The following ENKUR variants were observed in gnomAD, a reference collection of about 807,000 sequenced individuals.
The protein encoded by ENKUR is enkurin.
In ENKUR, 19 loss-of-function variants were observed where a neutral mutation model predicts 27.6. The ratio of observed to expected loss-of-function variants is 0.69; its 90% CI spans 0.48 to 1.01. ENKUR has a LOEUF of 1.01. Among genes scored for constraint, ENKUR ranks in the 50% least tolerant of loss-of-function variants. The pLI is 0.00. For synonymous variants in ENKUR, 117 were observed against 96.9 expected (o/e 1.21, Z -1.22); for missense variants, 312 against 310.5 (o/e 1.00, Z -0.04).
chr10:25,024,860 C>T, intron 2 of ENKUR: 1 of 1,614,062 alleles, frequency 6.2e-7, no homozygotes, highest in Non-Finnish European at 8.5e-7. Context: ...TTTATAAAAA[C>T]AGGACATTAT....
chr10:25,023,122 A>G (rs1272216067), intron 2 of ENKUR: 1 of 1,162,202 alleles, frequency 8.6e-7, no homozygotes, highest in Non-Finnish European at 1.2e-6. Flanking sequence ...ATCTACTGTA[A>G]TTAGTAACCA....
chr10:25,057,593 C>G (rs768790640), intron 2 of ENKUR, among the ~76,000 whole-genome samples: 5 of 152,126 alleles, frequency 3.3e-5, no homozygotes, highest in Non-Finnish European at 7.4e-5. Flanking sequence ...AAGTCAGTAT[C>G]AGGCTGCTGC....
At chr10:25,000,255 T>C (rs75978901) in intron 1 of ENKUR, among the ~76,000 whole-genome samples, 2,120 of 152,278 alleles carry the variant, frequency 0.014, 45 homozygotes, top group African/African-American at 0.048. Context: ...TGTTCTATTT[T>C]AGTAAATGTT....
intron 2 of ENKUR, among the ~76,000 whole-genome samples, chr10:25,050,328 TAAG>T (rs1261264020): frequency 1.3e-5 from 2 of 152,180 alleles, no homozygotes; most frequent in African/African-American, 4.8e-5. Context: ...AAGACATACG[TAAG>T]ACTGGGTAAT....
chr10:25,012,045 C>T (rs1207059291), intron 1 of ENKUR, among the ~76,000 whole-genome samples: 1 of 152,194 alleles, frequency 6.6e-6, no homozygotes, highest in Admixed American at 6.5e-5. Context: ...ACAGCCATGG[C>T]TAAAAGGGGA....
At chr10:25,042,784 G>A (rs538765703) in intron 2 of ENKUR, among the ~76,000 whole-genome samples, 5 of 151,894 alleles carry the variant, frequency 3.3e-5, no homozygotes, top group African/African-American at 7.2e-5. Flanking sequence ...AAGCCCAGGA[G>A]TTCAAGGCTG....
chr10:25,044,534 C>A (rs1330472706), intron 2 of ENKUR, among the ~76,000 whole-genome samples: 3 of 152,130 alleles, frequency 2.0e-5, no homozygotes, highest in African/African-American at 7.2e-5. Context: ...GCAGCTGGTA[C>A]TACAGGCACG....
intron 1 of ENKUR, among the ~76,000 whole-genome samples, chr10:25,012,693 T>C (rs1389050048): frequency 1.3e-5 from 2 of 152,230 alleles, no homozygotes; most frequent in African/African-American, 4.8e-5. Flanking sequence ...CCATTGTATC[T>C]GGGAAGTACC....
chr10:25,050,176 C>T (rs1462705298), intron 2 of ENKUR, among the ~76,000 whole-genome samples: 1 of 152,296 alleles, frequency 6.6e-6, no homozygotes, highest in Non-Finnish European at 1.5e-5. Context: ...CAGAAGGGAT[C>T]TGCCCTTATG....
chr10:25,044,864 A>T (rs1851105430), intron 2 of ENKUR, among the ~76,000 whole-genome samples: 1 of 152,208 alleles, frequency 6.6e-6, no homozygotes, highest in East Asian at 1.9e-4. Flanking sequence ...AAGGTAATTT[A>T]TGCCCAGACT....
At chr10:25,011,253 G>C (rs1588664285) in intron 1 of ENKUR, among the ~76,000 whole-genome samples, 1 of 152,166 alleles carries the variant, frequency 6.6e-6, no homozygotes, top group Admixed American at 6.5e-5. Context: ...CTTTTGAGAA[G>C]TGTCTGTTCA....
At chr10:24,987,364 C>T (rs1043745018) in intron 4 of ENKUR, among the ~76,000 whole-genome samples, 6 of 152,116 alleles carry the variant, frequency 3.9e-5, no homozygotes, top group African/African-American at 1.4e-4. Flanking sequence ...TCTTCAGTGG[C>T]CACTGCTCAT....
At chr10:25,057,289 A>T (rs1338605738) in intron 2 of ENKUR, among the ~76,000 whole-genome samples, 1 of 151,986 alleles carries the variant, frequency 6.6e-6, no homozygotes, top group African/African-American at 2.4e-5. Context: ...GAGATAGAAG[A>T]AATAAAAAAA....
At chr10:25,017,080 G>C (rs985615416), upstream of ENKUR, among the ~76,000 whole-genome samples, 1 of 152,166 alleles carries the variant, frequency 6.6e-6, no homozygotes, top group African/African-American at 2.4e-5. Context: ...CTCTGCGCCT[G>C]CTCTTCCCCG....
chr10:24,991,355 A>G (rs1849924184), intron 3 of ENKUR, among the ~76,000 whole-genome samples: 1 of 152,134 alleles, frequency 6.6e-6, no homozygotes, highest in Non-Finnish European at 1.5e-5. Flanking sequence ...CTCGTTAAAG[A>G]AAAGACAAAG....
chr10:25,003,241 G>A (rs1396260603), intron 1 of ENKUR, among the ~76,000 whole-genome samples: 3 of 151,294 alleles, frequency 2.0e-5, no homozygotes, highest in African/African-American at 7.3e-5. Flanking sequence ...GAGTGCAGTG[G>A]TGTTGCCCAG....
chr10:25,028,547 C>T (rs1344549141), intron 2 of ENKUR, among the ~76,000 whole-genome samples: 1 of 152,176 alleles, frequency 6.6e-6, no homozygotes, highest in Non-Finnish European at 1.5e-5. Flanking sequence ...AACCTTTCTT[C>T]TTATGGTATT....
At chr10:25,036,014 A>T (rs1483208709) in intron 2 of ENKUR, among the ~76,000 whole-genome samples, 2 of 152,214 alleles carry the variant, frequency 1.3e-5, no homozygotes, top group African/African-American at 4.8e-5. Flanking sequence ...TAGATAAGTA[A>T]TTCAACTTAT....
chr10:25,023,372 ACT>A, intron 2 of ENKUR: 1 of 1,614,082 alleles, frequency 6.2e-7, no homozygotes, highest in Non-Finnish European at 8.5e-7. Flanking sequence ...TATTCAACCC[ACT>A]CTCTTGTTGG....
Sources: gnomAD v4.1 joint callset for allele counts (sites outside exome capture counted in the v4.1 genomes callset) on GRCh38, gnomAD v4.1.1 for gene constraint, MANE v1.5 for transcripts, NCBI Gene and HGNC (gene_info 2026-07-23, HGNC 2026-07-21) for gene names.